The following FHAD1 variants were observed in gnomAD, a reference collection of about 807,000 sequenced individuals.
FHAD1 encodes forkhead-associated domain-containing protein 1.
A neutral mutation model predicts 191.3 loss-of-function variants in FHAD1; 146 were observed. The observed-to-expected ratio is 0.76, with a 90% CI of 0.67 to 0.88. The LOEUF (loss-of-function observed/expected upper bound fraction) is 0.88. Ranked by LOEUF, FHAD1 falls within the 40% of genes least tolerant of loss-of-function variation. The probability of loss-of-function intolerance (pLI) is 0.00; values close to 1 mark genes in which losing one functional copy is unlikely to be tolerated. For missense variants in FHAD1, 1,635 were observed against 1,785.8 expected (o/e 0.92, Z 1.52); for synonymous variants, 616 against 672.3 (o/e 0.92, Z 1.29).
chr1:15,351,268 C>A (rs1278357618), intron 19 of FHAD1, among the ~76,000 whole-genome samples: 5 of 152,130 alleles, frequency 3.3e-5, no homozygotes, highest in Admixed American at 2.6e-4. Flanking sequence ...TCTCTTGAAC[C>A]TGGGAGGTGG....
At chr1:15,359,416 G>T (rs886492495) in intron 21 of FHAD1, among the ~76,000 whole-genome samples, 3 of 152,162 alleles carry the variant, frequency 2.0e-5, no homozygotes, top group Admixed American at 6.5e-5. Context: ...GCAGGACAGG[G>T]TGAGGTGGGA....
At position 15,324,499 on chromosome 1, in the gene FHAD1, G is replaced by T; in HGVS notation, c.1413G>T (p.Leu471=). The change falls in exon 11 of 34, where the codon CTG becomes CTT. Residue 471 remains leucine (L), a synonymous_variant. Coordinates refer to ENST00000688493, the MANE Select transcript of FHAD1 (RefSeq NM_001391957.1). The part of the protein sequence containing the change: ...QEDSRRKLLQ[L]QEMGNRESVI... ...ATTCCAGAAGGAAATTGCTTCAGCT[G>T]CAAGAAATGGGGAACAGAGAGAGCG... 6.4e-7 allele frequency: 1 copy of T among 1,552,278 alleles called. No individual in the cohort carries two copies. The highest frequency in any genetic ancestry group is 8.7e-7 in the Non-Finnish European group (1 of 1,147,110).
chr1:15,249,923 C>A (rs1301187684), intron 1 of FHAD1, among the ~76,000 whole-genome samples: 3 of 152,174 alleles, frequency 2.0e-5, no homozygotes, highest in Non-Finnish European at 2.9e-5. Context: ...CTTAACCTCT[C>A]TGCATCTCAG....
intron 5 of FHAD1, among the ~76,000 whole-genome samples, chr1:15,300,414 G>T (rs1428556155): frequency 1.3e-5 from 2 of 152,112 alleles, no homozygotes; most frequent in African/African-American, 4.8e-5. Flanking sequence ...AAGAGCCAGG[G>T]AATAACAGAA....
intron 25 of FHAD1, among the ~76,000 whole-genome samples, chr1:15,368,602 A>G (rs1444771709): frequency 2.6e-5 from 4 of 152,194 alleles, no homozygotes. Flanking sequence ...AGATTCACAT[A>G]GTGGCTAAAG....
intron 14 of FHAD1, among the ~76,000 whole-genome samples, chr1:15,338,444 C>T (rs765179128): frequency 9.2e-5 from 14 of 152,190 alleles, no homozygotes; most frequent in Non-Finnish European, 1.6e-4. Flanking sequence ...GTCAAGCCTC[C>T]GTCTGTCTCC....
At chr1:15,313,952 C>T (rs943388734) in intron 8 of FHAD1, among the ~76,000 whole-genome samples, 1 of 151,832 alleles carries the variant, frequency 6.6e-6, no homozygotes, top group Non-Finnish European at 1.5e-5. Context: ...CCCAGCTACT[C>T]AGGAGGCTGA....
intron 28 of FHAD1, among the ~76,000 whole-genome samples, chr1:15,379,860 T>A (rs963308277): frequency 2.0e-5 from 3 of 152,108 alleles, no homozygotes; most frequent in Non-Finnish European, 4.4e-5. Flanking sequence ...GGGGGTAAGG[T>A]CACAGAATCT....
chr1:15,397,409 A>G lies in FHAD1; in HGVS notation c.4436A>G (p.Tyr1479Cys). The change falls in exon 34 of 34, where the codon TAC (tyrosine) becomes TGC (cysteine). Residue 1479 changes from tyrosine to cysteine, a missense_variant. By Grantham distance (194) the Tyr-to-Cys change is radical (BLOSUM62 -2). Coordinates refer to ENST00000688493, the MANE Select transcript of FHAD1 (RefSeq NM_001391957.1). ...TTGCATTCTAAGCCCAGTGGAAAGT[A>G]CTAGAGAAACCTCGTCCCACCAGGC... is the stretch of plus-strand genomic sequence containing the variant. ...SLLHSKPSGK[Y>C] 3 of 1,508,240 alleles carry G rather than the reference A, an allele frequency of 2.0e-6. No individual in the cohort carries two copies. Among genetic ancestry groups the G allele is most frequent in the Non-Finnish European group, 2.7e-6 (3 of 1,116,332 alleles). The allele number at this position is 1,508,240 out of a possible 1,614,324, so 93.4% of individuals were successfully genotyped here.
At chr1:15,293,784 G>C (rs1345052661) in intron 4 of FHAD1, among the ~76,000 whole-genome samples, 1 of 152,166 alleles carries the variant, frequency 6.6e-6, no homozygotes, top group East Asian at 1.9e-4. Flanking sequence ...ACATTCCATG[G>C]ATGTATCACA....
intron 20 of FHAD1, among the ~76,000 whole-genome samples, chr1:15,353,881 A>G (rs1346169772): frequency 6.6e-6 from 1 of 152,178 alleles, no homozygotes; most frequent in Non-Finnish European, 1.5e-5. Context: ...TTGTAAACGC[A>G]GTAGGAATAG....
chr1:15,345,102 C>G lies in FHAD1; in HGVS notation c.2150C>G (p.Thr717Ser), dbSNP rs1400639325. 2 of 1,551,576 alleles carry G rather than the reference C, an allele frequency of 1.3e-6. No individual in the cohort carries two copies. The highest frequency in any genetic ancestry group is 1.7e-6 in the Non-Finnish European group (2 of 1,146,930). ...EEKAALEEYI[T>S]QERNRAKETL... is the part of the protein sequence containing the mutation. Reference sequence around the variant, plus strand: ...TTCCAGGCTTTGGAGGAGTACATTACTCAAGAGAGAAACAGAGCGAAAGAG... The same window carrying G: ...TTCCAGGCTTTGGAGGAGTACATTAGTCAAGAGAGAAACAGAGCGAAAGAG... Residue 717 changes from threonine (T) to serine (S), a missense_variant, in exon 17 of 34, where the codon ACT (threonine) becomes AGT (serine). Coordinates refer to ENST00000688493, the MANE Select transcript of FHAD1 (RefSeq NM_001391957.1).
chr1:15,364,779 C>T (rs926897290), intron 23 of FHAD1, among the ~76,000 whole-genome samples: 1 of 152,256 alleles, frequency 6.6e-6, no homozygotes, highest in African/African-American at 2.4e-5. Context: ...CTATCTCCGC[C>T]AGGCTGCAGT....
intron 23 of FHAD1, 120 bp from the exon 24 acceptor site, chr1:15,365,707 C>T (rs1466210043): frequency 3.2e-6 from 2 of 622,170 alleles, no homozygotes; most frequent in African/African-American, 3.7e-5. Flanking sequence ...TTTGCTGGGA[C>T]TGGCGTTGCA....
At chr1:15,293,250 T>A (rs2100683024) in intron 4 of FHAD1, among the ~76,000 whole-genome samples, 1 of 152,282 alleles carries the variant, frequency 6.6e-6, no homozygotes, top group Non-Finnish European at 1.5e-5. Context: ...CCAAGTCAGT[T>A]CCCAACCCTT....
chr1:15,316,600 C>T lies in FHAD1; in HGVS notation c.1260+133C>T, dbSNP rs974616474. ...TGTGCTTGCTTGTTTAACATAGTCT[C>T]ATTGCTCTTTGATCTGCTGCTTCTG... is the stretch of plus-strand genomic sequence containing the variant. On this transcript the variant is annotated intron_variant, in intron 9 of 33. Transcript: ENST00000688493. This position sits in a 1 kb window ranked among gnomAD's most constrained non-coding sequence, Gnocchi z 4.3. 10 of 764,536 alleles carry T rather than the reference C, an allele frequency of 1.3e-5. No individual in the cohort carries two copies. Among genetic ancestry groups the T allele is most frequent in the Non-Finnish European group, 2.1e-5 (10 of 471,846 alleles). 47.4% of individuals were successfully genotyped at this position (764,536 alleles called of 1,614,324 possible). A position where few individuals can be genotyped will look rare whatever the true frequency, so the allele number is the denominator to read the frequency against.
Position 15,397,688 on chromosome 1 carries a change from A to T in FHAD1, c.*275A>T, listed in dbSNP as rs185074936. The T allele has an allele frequency of 2.7e-3, 608 of 229,322 alleles. 7 individuals carry two copies. The highest frequency in any genetic ancestry group is 9.6e-3 in the African/African-American group (431 of 44,712). 14.2% of individuals were successfully genotyped at this position (229,322 alleles called of 1,614,324 possible). A position where few individuals can be genotyped will look rare whatever the true frequency, so the allele number is the denominator to read the frequency against. ...ATGTCCAGGCCTGGTAGATATAATT[A>T]TGTGGTCCACGTTGGGTCATGATGT... is the stretch of plus-strand genomic sequence containing the variant. On this transcript the variant is annotated 3_prime_UTR_variant, in exon 34 of 34. Transcript: ENST00000688493.
In FHAD1 at chr1:15,345,129, CT is replaced by C; in HGVS notation, c.2180del (p.Leu727Ter). The C allele has an allele frequency of 6.4e-7, 1 of 1,551,774 alleles. No individual in the cohort carries two copies. Among genetic ancestry groups the C allele is most frequent in the South Asian group, 1.2e-5 (1 of 84,048 alleles). ...CAAGAGAGAAACAGAGCGAAAGAGA[CT>C]TTAGAGGAAGAACGGAAGAGAATGC... ...ITQERNRAKE[T>X]LEEERKRMQE... On this transcript the variant is annotated frameshift_variant, in exon 17 of 34. Transcript: ENST00000688493. LOFTEE classifies it high-confidence loss of function.
intron 1 of FHAD1, among the ~76,000 whole-genome samples, chr1:15,238,250 GAAA>G (rs35058576): frequency 6.2e-5 from 6 of 96,904 alleles, no homozygotes; most frequent in Non-Finnish European, 9.6e-5. Context: ...CCATCTCAAG[GAAA>G]AAAAAAAAAA....
Sources: allele counts gnomAD v4.1 joint callset (sites outside exome capture counted in the v4.1 genomes callset), GRCh38; gene constraint gnomAD v4.1.1; non-coding constraint Gnocchi (gnomAD v3.1); transcripts MANE v1.5; gene names NCBI Gene and HGNC (gene_info 2026-07-23, HGNC 2026-07-21).